Variants in ADPRM observed in about 807,000 individuals in gnomAD.
ADPRM encodes the protein manganese-dependent ADP-ribose/CDP-alcohol diphosphatase.
ADPRM carries 17 observed loss-of-function variants against 27.2 expected under a neutral mutation model. The observed-to-expected ratio is 0.63, with a 90% CI of 0.43 to 0.94. The LOEUF is 0.94. Among genes scored for constraint, ADPRM ranks in the 40% least tolerant of loss-of-function variants. The pLI is 0.00. For synonymous variants in ADPRM, 135 were observed against 145.3 expected (o/e 0.93, Z 0.51); for missense variants, 337 against 412.8 (o/e 0.82, Z 1.59).
chr17:10,707,894 A>C (rs577214912), intron 3 of ADPRM, among the ~76,000 whole-genome samples: 32 of 152,338 alleles, frequency 2.1e-4, no homozygotes, highest in African/African-American at 7.5e-4. Context: ...TGGGCACGTG[A>C]AAACATACAC....
At chr17:10,698,461 GT>G (rs1201485381) in intron 1 of ADPRM, 1 of 152,068 alleles carries the variant, frequency 6.6e-6, no homozygotes, top group Non-Finnish European at 1.5e-5. Flanking sequence ...TACCTCGGTG[GT>G]TGCTTTACAA....
intron 3 of ADPRM, among the ~76,000 whole-genome samples, chr17:10,708,158 C>T (rs534645437): frequency 7.2e-5 from 11 of 152,100 alleles, no homozygotes; most frequent in South Asian, 4.2e-4. Context: ...TGGCCAAGCA[C>T]GGTGACTCAC....
intron 3 of ADPRM, among the ~76,000 whole-genome samples, chr17:10,710,492 C>G (rs2074843956): frequency 6.6e-6 from 1 of 152,224 alleles, no homozygotes; most frequent in African/African-American, 2.4e-5. Context: ...AGCATCTGCC[C>G]AGTTTCAGGC....
At chr17:10,700,087 G>C (rs758332383) in intron 1 of ADPRM, among the ~76,000 whole-genome samples, 1 of 152,154 alleles carries the variant, frequency 6.6e-6, no homozygotes, top group Non-Finnish European at 1.5e-5. Flanking sequence ...TTTTGGTATG[G>C]TATCTGCGTA....
intron 3 of ADPRM, 77 bp downstream of exon 3, chr17:10,706,631 A>G: frequency 9.4e-7 from 1 of 1,065,816 alleles, no homozygotes; most frequent in Non-Finnish European, 1.3e-6. Flanking sequence ...TACTAACAAT[A>G]TTTGTGTTTC....
intron 3 of ADPRM, among the ~76,000 whole-genome samples, chr17:10,707,370 T>C (rs918595709): frequency 6.6e-5 from 10 of 151,998 alleles, no homozygotes; most frequent in Non-Finnish European, 1.3e-4. Context: ...CAAGACCCTA[T>C]CTCAAAAATA....
In ADPRM at chr17:10,705,370, T is replaced by C. The variant is rs142369493; in HGVS notation, c.444T>C (p.Tyr148=). The C allele has an allele frequency of 8.7e-6, 14 of 1,613,912 alleles. 1 individual carries two copies. The African/African-American group carries it at 1.1e-4, about 12-fold the overall frequency. ...HPETMPSEDY[Y]AYHFVPFPKF... is the part of the protein sequence containing the mutation. ...AGACCATGCCTTCAGAAGATTATTA[T>C]GCTTATCATTTTGTACCATTCCCTA... The change falls in exon 2 of 4, where the codon TAT becomes TAC. Residue 148 remains tyrosine, a synonymous_variant. Transcript: ENST00000379774. This position sits in a 1 kb window ranked among gnomAD's most constrained non-coding sequence, Gnocchi z 5.4.
chr17:10,707,421 A>G (rs147046172), intron 3 of ADPRM, among the ~76,000 whole-genome samples: 1 of 152,274 alleles, frequency 6.6e-6, no homozygotes, highest in African/African-American at 2.4e-5. Context: ...AGCACAAACA[A>G]AAAACACCAA....
intron 1 of ADPRM, among the ~76,000 whole-genome samples, chr17:10,701,034 T>C (rs2074773313): frequency 6.6e-6 from 1 of 152,210 alleles, no homozygotes; most frequent in Admixed American, 6.5e-5. Flanking sequence ...ACTGTGATCA[T>C]AACTCAGTTG....
chr17:10,697,802 C>G (rs2074744752), intron 1 of ADPRM, 135 bp downstream of exon 1: 1 of 329,262 alleles, frequency 3.0e-6, no homozygotes, highest in Non-Finnish European at 5.0e-6. Flanking sequence ...CAAGGCGGCC[C>G]CAAGCGCTGG....
intron 3 of ADPRM, among the ~76,000 whole-genome samples, chr17:10,709,384 T>A (rs2074835596): frequency 6.6e-6 from 1 of 151,574 alleles, no homozygotes. Context: ...ATTTAAGGCA[T>A]GTAAATCACT....
rs139324296 is a variant in ADPRM, at chr17:10,700,721, A to G, written c.-18+3054A>G. Reference sequence around the variant, plus strand: ...CGAGGCTACAGTGAGCCATGATCGCACCACTGCACTCCAGCTTGCGCAGTA... The same window carrying G: ...CGAGGCTACAGTGAGCCATGATCGCGCCACTGCACTCCAGCTTGCGCAGTA... On this transcript the variant is annotated intron_variant, in intron 1 of 3. Transcript: ENST00000379774. 7.6e-4 allele frequency among the ~76,000 whole-genome samples: 114 copies of G among 150,548 alleles called. No homozygotes were observed. The East Asian group carries it at 0.018, about 24-fold the overall frequency.
In ADPRM at chr17:10,701,083, G is replaced by A. The variant is rs573026668; in HGVS notation, c.-18+3416G>A. On this transcript the variant is annotated intron_variant, in intron 1 of 3. Transcript: ENST00000379774. ...CCTATTGAGGGTTATTTTGCTTCAG[G>A]AAACACGAGGACTATAATTCAGTTC... Among the ~76,000 whole-genome samples the A allele has an allele frequency of 2.6e-5, 4 of 152,252 alleles. No homozygotes were observed. The East Asian group carries it at 7.7e-4, about 29-fold the overall frequency.
At chr17:10,704,084 C>G (rs2074796723) in intron 1 of ADPRM, among the ~76,000 whole-genome samples, 1 of 152,022 alleles carries the variant, frequency 6.6e-6, no homozygotes, top group South Asian at 2.1e-4. Context: ...TGTCTCTTAC[C>G]TGTAATCCCA....
At chr17:10,697,977 C>A in intron 1 of ADPRM, 1 of 170,168 alleles carries the variant, frequency 5.9e-6, no homozygotes, top group Non-Finnish European at 1.2e-5. Context: ...TCCTGCCGGC[C>A]AAGAGGAAGT....
intron 1 of ADPRM, among the ~76,000 whole-genome samples, chr17:10,699,518 C>CTTTTTT (rs781412834): frequency 1.3e-4 from 15 of 113,316 alleles, no homozygotes; most frequent in East Asian, 2.8e-4. Flanking sequence ...TCTTTTCTTT[C>CTTTTTT]TTTTTTTTTT....
chr17:10,700,141 T>G (rs1487030045), intron 1 of ADPRM, among the ~76,000 whole-genome samples: 1 of 152,224 alleles, frequency 6.6e-6, no homozygotes, highest in Non-Finnish European at 1.5e-5. Flanking sequence ...TCTGTTACAA[T>G]AGTTTCTCCT....
Position 10,707,877 on chromosome 17 carries a change from G to A in ADPRM, c.718+1323G>A, listed in dbSNP as rs995072156. ...GTGCTTAAAACATACAAGCGTGTAT[G>A]TGCGCATGGGCACGTGAAAACATAC... On this transcript the variant is annotated intron_variant, in intron 3 of 3. Coordinates refer to ENST00000379774, the MANE Select transcript of ADPRM (RefSeq NM_020233.5). 3.9e-5 allele frequency among the ~76,000 whole-genome samples: 6 copies of A among 152,234 alleles called. No individual in the cohort carries two copies. The South Asian group carries it at 1.2e-3, about 31-fold the overall frequency.
Position 10,711,393 on chromosome 17 carries a change from C to T in ADPRM, c.*249C>T, listed in dbSNP as rs556610845. On this transcript the variant is annotated 3_prime_UTR_variant, in exon 4 of 4. Coordinates refer to ENST00000379774, the MANE Select transcript of ADPRM (RefSeq NM_020233.5). Reference sequence around the variant, plus strand: ...TAGTCCTCATAAGGGGCATATAGTCCTCATGAGGGATCTTATTTGGCCCTA... The same window carrying T: ...TAGTCCTCATAAGGGGCATATAGTCTTCATGAGGGATCTTATTTGGCCCTA... Among the ~76,000 whole-genome samples, 27 of 152,166 alleles carry T rather than the reference C, an allele frequency of 1.8e-4. No homozygotes were observed. The highest frequency in any genetic ancestry group is 6.5e-4 in the African/African-American group (27 of 41,498).
Sources: gnomAD v4.1 joint callset for allele counts (sites outside exome capture counted in the v4.1 genomes callset) on GRCh38, gnomAD v4.1.1 for gene constraint, Gnocchi (gnomAD v3.1) non-coding constraint, MANE v1.5 for transcripts, NCBI Gene and HGNC (gene_info 2026-07-23, HGNC 2026-07-21) for gene names.